Variants in TSPAN5 observed in about 807,000 individuals in gnomAD.
TSPAN5 encodes tetraspanin-5.
Under a neutral mutation model 37.1 loss-of-function variants are expected in TSPAN5, and 10 were observed. The ratio of observed to expected loss-of-function variants is 0.27; its 90% CI spans 0.17 to 0.46. The LOEUF (loss-of-function observed/expected upper bound fraction) is 0.46. Among genes scored for constraint, TSPAN5 ranks in the 20% least tolerant of loss-of-function variants. The pLI is 1.00. For synonymous variants in TSPAN5, 110 were observed against 118.9 expected (o/e 0.93, Z 0.48); for missense variants, 195 against 326.6 (o/e 0.60, Z 3.11).
chr4:98,568,299 T>A (rs1755051903), intron 1 of TSPAN5, among the ~76,000 whole-genome samples: 1 of 151,988 alleles, frequency 6.6e-6, no homozygotes, highest in South Asian at 2.1e-4. Flanking sequence ...TCCCAGCACT[T>A]TGGGAGGCCA....
At chr4:98,500,535 G>T (rs1182866541) in intron 2 of TSPAN5, among the ~76,000 whole-genome samples, 2 of 152,184 alleles carry the variant, frequency 1.3e-5, no homozygotes, top group Non-Finnish European at 2.9e-5. Context: ...ACAGGGGACT[G>T]GCCAGAGGAC....
chr4:98,581,448 T>C (rs921314564), intron 1 of TSPAN5, among the ~76,000 whole-genome samples: 1 of 152,166 alleles, frequency 6.6e-6, no homozygotes, highest in Non-Finnish European at 1.5e-5. Context: ...ACTCTATGCC[T>C]CAGCACTTTC....
chr4:98,490,903 A>G (rs748573994), intron 2 of TSPAN5, among the ~76,000 whole-genome samples: 1 of 152,234 alleles, frequency 6.6e-6, no homozygotes, highest in African/African-American at 2.4e-5. Context: ...TCTACTAAAA[A>G]TGCAAAAAAT....
At chr4:98,619,939 T>C (rs1477935111) in intron 1 of TSPAN5, among the ~76,000 whole-genome samples, 1 of 152,154 alleles carries the variant, frequency 6.6e-6, no homozygotes, top group Non-Finnish European at 1.5e-5. Flanking sequence ...CCTTAGGATC[T>C]AATTACCTCC....
At chr4:98,561,252 T>C (rs1038460593) in intron 1 of TSPAN5, among the ~76,000 whole-genome samples, 2 of 152,248 alleles carry the variant, frequency 1.3e-5, no homozygotes, top group African/African-American at 4.8e-5. Flanking sequence ...CCTGGGCCTA[T>C]ACATCACTGC....
intron 1 of TSPAN5, among the ~76,000 whole-genome samples, chr4:98,631,213 A>G (rs1756738570): frequency 1.3e-5 from 2 of 152,132 alleles, no homozygotes; most frequent in African/African-American, 4.8e-5. Flanking sequence ...CGCATCTCCT[A>G]CATTCTAATG....
intron 1 of TSPAN5, among the ~76,000 whole-genome samples, chr4:98,643,464 G>T (rs1252854100): frequency 6.6e-6 from 1 of 151,842 alleles, no homozygotes; most frequent in Non-Finnish European, 1.5e-5. Context: ...AAGCATCAAG[G>T]ATATATATTG....
chr4:98,486,450 T>G, intron 3 of TSPAN5: 2 of 333,668 alleles, frequency 6.0e-6, no homozygotes, highest in Non-Finnish European at 1.1e-5. Context: ...TATATATACC[T>G]ACCTTAGTCC....
intron 1 of TSPAN5, among the ~76,000 whole-genome samples, chr4:98,656,406 C>G (rs1201098581): frequency 2.0e-5 from 3 of 152,144 alleles, no homozygotes; most frequent in Admixed American, 6.5e-5. Flanking sequence ...ACTCACTACC[C>G]CAAAAAGAAC....
chr4:98,503,404 C>T (rs1004920037), intron 2 of TSPAN5, among the ~76,000 whole-genome samples: 1 of 152,266 alleles, frequency 6.6e-6, no homozygotes, highest in East Asian at 1.9e-4. Context: ...CCTGTGAGGA[C>T]CACCTAGAGA....
intron 1 of TSPAN5, among the ~76,000 whole-genome samples, chr4:98,643,799 A>C (rs139007233): frequency 1.3e-5 from 2 of 152,248 alleles, no homozygotes; most frequent in Non-Finnish European, 2.9e-5. Flanking sequence ...AGATGAAGCC[A>C]AAAGAACTTG....
At chr4:98,621,790 C>T (rs956935696) in intron 1 of TSPAN5, among the ~76,000 whole-genome samples, 7 of 151,396 alleles carry the variant, frequency 4.6e-5, no homozygotes, top group Admixed American at 4.6e-4. Context: ...TCATTCCCAC[C>T]CCCCCCGCAG....
Position 98,623,930 on chromosome 4 carries a change from T to C in TSPAN5, c.81+34216A>G, listed in dbSNP as rs116266604. On this transcript the variant is annotated intron_variant, in intron 1 of 7. Coordinates refer to ENST00000305798, the MANE Select transcript of TSPAN5 (RefSeq NM_005723.4). ...GAAGAGGTGTCCTCCCAGAGTAAGT[T>C]TGGATATTAGTTATTTAAGGTAAGC... Among the ~76,000 whole-genome samples, 1,103 of 152,284 alleles carry C rather than the reference T, an allele frequency of 7.2e-3. 20 individuals are homozygous for C. The highest frequency in any genetic ancestry group is 0.025 in the African/African-American group (1,049 of 41,548).
intron 1 of TSPAN5, among the ~76,000 whole-genome samples, chr4:98,555,885 C>G (rs556500216): frequency 3.9e-5 from 6 of 152,292 alleles, no homozygotes; most frequent in Non-Finnish European, 7.3e-5. Context: ...ATCCACCACA[C>G]TGTTAGGATA....
At chr4:98,484,850 C>A (rs556045266) in intron 3 of TSPAN5, 1 of 264,090 alleles carries the variant, frequency 3.8e-6, no homozygotes, top group East Asian at 9.6e-5. Flanking sequence ...TGGTGGCTCA[C>A]GCCTGTAATC....
rs1052184292 is a variant in TSPAN5 at position 98,634,001 on chromosome 4, C to T, written c.81+24145G>A. ...AGATGAGGCAGGAGAATCGCTTGAA[C>T]CCGGGAGGCAGAGGTTGCGGTGAGT... On this transcript the variant is annotated intron_variant, in intron 1 of 7. Coordinates refer to ENST00000305798, the MANE Select transcript of TSPAN5 (RefSeq NM_005723.4). Among the ~76,000 whole-genome samples, 4 of 151,986 alleles carry T rather than the reference C, an allele frequency of 2.6e-5. No individual in the cohort carries two copies. In the South Asian group the frequency reaches 6.2e-4, roughly 24 times the overall value.
intron 1 of TSPAN5, among the ~76,000 whole-genome samples, chr4:98,571,863 A>G (rs1296993438): frequency 6.6e-6 from 1 of 152,244 alleles, no homozygotes; most frequent in Non-Finnish European, 1.5e-5. Context: ...GACATTGTGG[A>G]TATAACAGTG....
In TSPAN5 at chr4:98,617,359, C is replaced by A. The variant is rs572622468; in HGVS notation, c.81+40787G>T. On this transcript the variant is annotated intron_variant, in intron 1 of 7. Coordinates refer to ENST00000305798, the MANE Select transcript of TSPAN5 (RefSeq NM_005723.4). ...AAGTAATTCGCCCAAGGACACCCAG[C>A]TAGTGAGAGGCAGGACAAACAGCAG... 2.6e-5 allele frequency among the ~76,000 whole-genome samples: 4 copies of A among 152,200 alleles called. No homozygotes were observed. In the South Asian group the frequency reaches 8.3e-4, roughly 32 times the overall value.
At chr4:98,626,007 C>T (rs886181360) in intron 1 of TSPAN5, among the ~76,000 whole-genome samples, 2 of 152,078 alleles carry the variant, frequency 1.3e-5, no homozygotes, top group Non-Finnish European at 2.9e-5. Context: ...TTCCATAAAC[C>T]AATTATTCAC....
Sources: gnomAD v4.1 joint callset for allele counts (sites outside exome capture counted in the v4.1 genomes callset) on GRCh38, gnomAD v4.1.1 for gene constraint, MANE v1.5 for transcripts, NCBI Gene and HGNC (gene_info 2026-07-23, HGNC 2026-07-21) for gene names.